Variants in LOC400499 observed in about 807,000 individuals in gnomAD.
chr16:11,497,306 T>G, the LOC400499 span, among the ~76,000 whole-genome samples: 1 of 152,194 alleles, frequency 6.6e-6, no homozygotes, highest in African/African-American at 2.4e-5. Context: ...CAGGGGTGTG[T>G]GGAGCCTGGA....
the LOC400499 span, chr16:11,384,798 G>A: frequency 4.3e-5 from 49 of 1,147,366 alleles, no homozygotes; most frequent in Admixed American, 1.0e-3. Context: ...CTGCATGCAC[G>A]GTAGCCCCCT....
At chr16:11,516,121 C>T in the LOC400499 span, 1 of 399,770 alleles carries the variant, frequency 2.5e-6, no homozygotes, top group Non-Finnish European at 4.4e-6. Flanking sequence ...CCCCTACCCC[C>T]TTCCCATCTC....
At chr16:11,500,341 C>G in the LOC400499 span, among the ~76,000 whole-genome samples, 1 of 151,676 alleles carries the variant, frequency 6.6e-6, no homozygotes, top group African/African-American at 2.4e-5. Context: ...AACCCCGTCT[C>G]TACTGAAAAA....
chr16:11,451,066 CTG>C, the LOC400499 span, among the ~76,000 whole-genome samples: 1 of 152,230 alleles, frequency 6.6e-6, no homozygotes, highest in Non-Finnish European at 1.5e-5. Context: ...ATACATTTCA[CTG>C]TGCTTAATGA....
the LOC400499 span, among the ~76,000 whole-genome samples, chr16:11,506,181 C>A: frequency 6.6e-6 from 1 of 152,096 alleles, no homozygotes; most frequent in African/African-American, 2.4e-5. Flanking sequence ...GGATTACAGG[C>A]TCCTGTCTAA....
At chr16:11,441,003 T>A in the LOC400499 span, 25 of 399,072 alleles carry the variant, frequency 6.3e-5, no homozygotes, top group East Asian at 8.5e-4. Context: ...AGATCTGTCA[T>A]GATGCAAACC....
chr16:11,474,506 T>A, the LOC400499 span, among the ~76,000 whole-genome samples: 1 of 152,156 alleles, frequency 6.6e-6, no homozygotes, highest in Admixed American at 6.6e-5. Context: ...TTTAAGTGAT[T>A]TTGGTTTGCT....
At chr16:11,526,135 T>C in the LOC400499 span, among the ~76,000 whole-genome samples, 21 of 152,312 alleles carry the variant, frequency 1.4e-4, no homozygotes, top group Admixed American at 6.5e-4. Context: ...AACAATTACA[T>C]CATTTACAAC....
At chr16:11,394,298 G>T in the LOC400499 span, among the ~76,000 whole-genome samples, 549 of 152,322 alleles carry the variant, frequency 3.6e-3, 3 homozygotes, top group African/African-American at 0.012. Context: ...AATGGGGTGG[G>T]AAAGAGGCTC....
chr16:11,434,164 G>A, the LOC400499 span, among the ~76,000 whole-genome samples: 4 of 152,152 alleles, frequency 2.6e-5, no homozygotes, highest in African/African-American at 9.7e-5. Flanking sequence ...GTGGGCAGCA[G>A]AACCTAGGTT....
At chr16:11,388,640 A>C in the LOC400499 span, among the ~76,000 whole-genome samples, 1 of 152,042 alleles carries the variant, frequency 6.6e-6, no homozygotes, top group Non-Finnish European at 1.5e-5. Context: ...ACAGGGGCCA[A>C]AAGGGTCTTT....
the LOC400499 span, chr16:11,372,422 A>C: frequency 6.6e-6 from 1 of 152,272 alleles, no homozygotes; most frequent in African/African-American, 2.4e-5. Context: ...AACAGGGGCC[A>C]GGTGGAGTTT....
chr16:11,384,283 C>T, the LOC400499 span: 118 of 1,232,354 alleles, frequency 9.6e-5, no homozygotes, highest in Middle Eastern at 3.1e-4. Context: ...CAGCTCATTG[C>T]CTGCTTCATT....
At chr16:11,512,126 C>A in the LOC400499 span, among the ~76,000 whole-genome samples, 1 of 151,714 alleles carries the variant, frequency 6.6e-6, no homozygotes, top group African/African-American at 2.4e-5. Flanking sequence ...CTACTAAAAA[C>A]ACAAAATAAG....
At chr16:11,440,390 C>T in the LOC400499 span, among the ~76,000 whole-genome samples, 2 of 152,210 alleles carry the variant, frequency 1.3e-5, no homozygotes, top group Non-Finnish European at 2.9e-5. Flanking sequence ...ACATAAAAGC[C>T]TCCTACATAA....
the LOC400499 span, among the ~76,000 whole-genome samples, chr16:11,382,012 G>A: frequency 7.3e-5 from 11 of 151,448 alleles, no homozygotes; most frequent in East Asian, 7.8e-4. Flanking sequence ...GCGCAATCTC[G>A]GCTCACTGCA....
At chr16:11,517,031 C>T in the LOC400499 span, among the ~76,000 whole-genome samples, 1 of 152,140 alleles carries the variant, frequency 6.6e-6, no homozygotes, top group African/African-American at 2.4e-5. Flanking sequence ...CCTCTTCTGC[C>T]TAAAGACAGA....
chr16:11,450,466 G>C, the LOC400499 span: 2,457 of 727,732 alleles, frequency 3.4e-3, 47 homozygotes, highest in African/African-American at 0.039. Context: ...AACTCTGATA[G>C]TTGCAGGCAC....
the LOC400499 span, among the ~76,000 whole-genome samples, chr16:11,509,061 G>A: frequency 6.6e-6 from 1 of 152,042 alleles, no homozygotes; most frequent in Admixed American, 6.6e-5. Context: ...CACCAGCAGG[G>A]GCTGGGCAAA....
Sources: allele counts gnomAD v4.1 joint callset (sites outside exome capture counted in the v4.1 genomes callset), GRCh38; gene constraint gnomAD v4.1.1; transcripts MANE v1.5.